Variants in SPAM1 observed in about 807,000 individuals in gnomAD.
The protein encoded by SPAM1 is hyaluronidase PH-20.
SPAM1 carries 22 observed loss-of-function variants against 29.6 expected under a neutral mutation model. That is an observed-to-expected ratio of 0.74 (90% confidence interval 0.53 to 1.06). The LOEUF (loss-of-function observed/expected upper bound fraction) is 1.06. SPAM1 is among the 50% of genes least tolerant of loss of function. The pLI is 0.00. For synonymous variants in SPAM1, 194 were observed against 204.6 expected (o/e 0.95, Z 0.44); for missense variants, 534 against 604.0 (o/e 0.88, Z 1.21).
At chr7:123,945,929 A>T (rs2117046037) in intron 1 of SPAM1, among the ~76,000 whole-genome samples, 1 of 152,274 alleles carries the variant, frequency 6.6e-6, no homozygotes, top group East Asian at 1.9e-4. Flanking sequence ...CTCTGGGACC[A>T]GAGAGAAAGA....
chr7:123,953,701 T>C lies in SPAM1; in HGVS notation c.131T>C (p.Ile44Thr), dbSNP rs927875628. 1.2e-6 allele frequency: 2 copies of C among 1,613,402 alleles called. No individual in the cohort carries two copies. The highest frequency in any genetic ancestry group is 2.7e-5 in the African/African-American group (2 of 74,906). ...CTGAATTTCAGAGCACCTCCTGTTATTCCAAATGTGCCTTTCCTCTGGGCC... is the reference window on the plus strand; with the variant it reads ...CTGAATTTCAGAGCACCTCCTGTTACTCCAAATGTGCCTTTCCTCTGGGCC... ...LTLNFRAPPVIPNVPFLWAWN... is the reference protein window; with the variant it reads ...LTLNFRAPPVTPNVPFLWAWN... Residue 44 changes from isoleucine to threonine, a missense_variant, in exon 3 of 5, where the codon ATT (isoleucine) becomes ACT (threonine). Physicochemically the swap from Ile to Thr is moderately conservative, Grantham distance 89. Transcript: ENST00000682466.
At chr7:123,957,730 G>C (rs949981126) in intron 4 of SPAM1, among the ~76,000 whole-genome samples, 2 of 151,996 alleles carry the variant, frequency 1.3e-5, no homozygotes, top group African/African-American at 4.8e-5. Context: ...TTCTCATTTG[G>C]GTTGTTGGCA....
chr7:123,959,060 C>A (rs557929054), intron 4 of SPAM1, among the ~76,000 whole-genome samples: 2 of 151,916 alleles, frequency 1.3e-5, no homozygotes, highest in Non-Finnish European at 2.9e-5. Flanking sequence ...CCCAAAGTCA[C>A]CCAGATAGGA....
chr7:123,969,017 TTA>T (rs1792464085), intron 5 of SPAM1, among the ~76,000 whole-genome samples: 2 of 152,060 alleles, frequency 1.3e-5, no homozygotes, highest in Non-Finnish European at 2.9e-5. Context: ...GACACTGTTA[TTA>T]TCTGAAGAAA....
At chr7:123,951,875 G>A (rs1296056550) in intron 2 of SPAM1, among the ~76,000 whole-genome samples, 1 of 152,098 alleles carries the variant, frequency 6.6e-6, no homozygotes. Context: ...ACCTGCCTTG[G>A]CCTTCCAAAG....
chr7:123,940,531 C>T (rs557861006), intron 1 of SPAM1, among the ~76,000 whole-genome samples: 2 of 150,860 alleles, frequency 1.3e-5, no homozygotes, highest in South Asian at 2.1e-4. Context: ...CTTTGTCATC[C>T]GGGCTGGGGT....
chr7:123,939,085 CTTTTT>C (rs67180090), intron 1 of SPAM1, among the ~76,000 whole-genome samples: 1 of 123,786 alleles, frequency 8.1e-6, no homozygotes, highest in African/African-American at 3.1e-5. Context: ...ATCTTCAAGT[CTTTTT>C]TTTTTTTTTT....
intron 1 of SPAM1, among the ~76,000 whole-genome samples, chr7:123,939,371 C>T (rs1808357812): frequency 6.6e-6 from 1 of 152,184 alleles, no homozygotes; most frequent in Non-Finnish European, 1.5e-5. Flanking sequence ...CAGGCGTGAG[C>T]CACTGTGTCC....
At chr7:123,968,193 G>A (rs1388358014) in intron 5 of SPAM1, among the ~76,000 whole-genome samples, 1 of 152,046 alleles carries the variant, frequency 6.6e-6, no homozygotes, top group Non-Finnish European at 1.5e-5. Context: ...CAGGGCTTGA[G>A]AGTAGCTGCT....
chr7:123,935,963 A>T (rs1358073143), intron 1 of SPAM1, among the ~76,000 whole-genome samples: 9 of 152,084 alleles, frequency 5.9e-5, no homozygotes, highest in African/African-American at 2.2e-4. Flanking sequence ...TTACTTTATG[A>T]CTCACTATAG....
At chr7:123,966,614 T>A (rs1792428404) in intron 5 of SPAM1, among the ~76,000 whole-genome samples, 1 of 152,102 alleles carries the variant, frequency 6.6e-6, no homozygotes, top group South Asian at 2.1e-4. Context: ...TTATGTCCTT[T>A]GCAGGGACAT....
intron 1 of SPAM1, among the ~76,000 whole-genome samples, chr7:123,948,520 A>G (rs1808660000): frequency 6.6e-6 from 1 of 152,132 alleles, no homozygotes; most frequent in Non-Finnish European, 1.5e-5. Context: ...GGCCATTTTC[A>G]GTATTGTAAC....
intron 1 of SPAM1, among the ~76,000 whole-genome samples, chr7:123,945,046 A>G (rs1214251583): frequency 6.6e-6 from 1 of 151,986 alleles, no homozygotes; most frequent in Non-Finnish European, 1.5e-5. Flanking sequence ...GACATTGGGC[A>G]TGGTTGTCCT....
intron 4 of SPAM1, among the ~76,000 whole-genome samples, chr7:123,957,514 A>G (rs143873856): frequency 6.6e-6 from 1 of 152,196 alleles, no homozygotes; most frequent in African/African-American, 2.4e-5. Flanking sequence ...TCAAAACACC[A>G]TTCAAAAATA....
intron 1 of SPAM1, among the ~76,000 whole-genome samples, chr7:123,928,808 A>G (rs963653041): frequency 1.1e-4 from 16 of 152,240 alleles, no homozygotes; most frequent in African/African-American, 2.2e-4. Flanking sequence ...TTCAATGTCT[A>G]GGTTTGTATA....
In SPAM1 at chr7:123,960,007, T is replaced by C. The variant is rs374362223; in HGVS notation, c.*38T>C. The C allele has an allele frequency of 6.5e-7, 1 of 1,540,014 alleles. No individual in the cohort carries two copies. Among genetic ancestry groups the C allele is most frequent in the African/African-American group, 1.4e-5 (1 of 72,572 alleles). On this transcript the variant is annotated 3_prime_UTR_variant, in exon 5 of 5. Coordinates refer to ENST00000682466, the MANE Select transcript of SPAM1 (RefSeq NM_153189.3). ...GCTGAAATGAACAATATGTCCATCT[T>C]AAAGTGTGCTTTTTCGACTAATTAA...
At chr7:123,965,257 T>C (rs1400311486) in intron 5 of SPAM1, among the ~76,000 whole-genome samples, 2 of 151,946 alleles carry the variant, frequency 1.3e-5, no homozygotes, top group African/African-American at 4.8e-5. Context: ...AGGGAACTAG[T>C]TCCTATTCCT....
intron 1 of SPAM1, chr7:123,926,086 CT>C (rs1807872855): frequency 6.6e-6 from 1 of 152,154 alleles, no homozygotes; most frequent in African/African-American, 2.4e-5. Context: ...AAGAAACTGC[CT>C]TTTCTCTTGT....
At chr7:123,957,965 CAT>C (rs1192037384) in intron 4 of SPAM1, among the ~76,000 whole-genome samples, 1 of 151,972 alleles carries the variant, frequency 6.6e-6, no homozygotes, top group Non-Finnish European at 1.5e-5. Flanking sequence ...TTCAAGGACT[CAT>C]GTAATTACAT....
Sources: gnomAD v4.1 joint callset for allele counts (sites outside exome capture counted in the v4.1 genomes callset) on GRCh38, gnomAD v4.1.1 for gene constraint, MANE v1.5 for transcripts, NCBI Gene and HGNC (gene_info 2026-07-23, HGNC 2026-07-21) for gene names.